TMEM167A: variants seen among roughly 807,000 people sequenced by gnomAD.
TMEM167A encodes the protein protein kish-A.
Under a neutral mutation model 11.6 loss-of-function variants are expected in TMEM167A, and 8 were observed. That is an observed-to-expected ratio of 0.69 (90% confidence interval 0.40 to 1.24). TMEM167A has a LOEUF of 1.24. Ranked by LOEUF, TMEM167A falls within the 50% of genes most tolerant of loss-of-function variation. The pLI is 0.01. For missense variants in TMEM167A, 62 were observed against 87.0 expected, an observed-to-expected ratio of 0.71 and a Z score of 1.14; for synonymous variants, 22 against 28.0, an observed-to-expected ratio of 0.79 and a Z score of 0.67.
rs892802813 is a variant in TMEM167A, at chr5:83,052,909, G to A, written c.*4175C>T. ...ATATGAACTAATCAGAGATGTGCAT[G>A]ATTCTCTGTACTCTTAAAATCACAG... On this transcript the variant is annotated 3_prime_UTR_variant, in exon 4 of 4. Coordinates refer to ENST00000502346, the MANE Select transcript of TMEM167A (RefSeq NM_174909.5). 2 of 151,830 alleles carry A rather than the reference G, an allele frequency of 1.3e-5. No individual in the cohort carries two copies. The highest frequency in any genetic ancestry group is 4.8e-5 in the African/African-American group (2 of 41,348). The allele number at this position is 151,830 out of a possible 1,614,324, so 9.4% of individuals were successfully genotyped here.
intron 1 of TMEM167A, among the ~76,000 whole-genome samples, chr5:83,067,751 G>C (rs902704501): frequency 6.6e-6 from 1 of 151,864 alleles, no homozygotes; most frequent in Non-Finnish European, 1.5e-5. Flanking sequence ...GATCTCAAGC[G>C]ATCTGCCCAC....
In TMEM167A at chr5:83,056,278, T is replaced by C. The variant is rs1437939668; in HGVS notation, c.*806A>G. The C allele has an allele frequency of 6.6e-6, 1 of 151,972 alleles. No individual in the cohort carries two copies. The highest frequency in any genetic ancestry group is 1.5e-5 in the Non-Finnish European group (1 of 67,922). 9.4% of individuals were successfully genotyped at this position (151,972 alleles called of 1,614,324 possible). On this transcript the variant is annotated 3_prime_UTR_variant, in exon 4 of 4. Transcript: ENST00000502346. ...TGTTTCATTTTTGAAGCCATGACAC[T>C]AAAAAGAATGAAAAACACATATAGG... is the stretch of plus-strand genomic sequence containing the variant.
At chr5:83,076,373 G>A (rs1744661739) in intron 1 of TMEM167A, among the ~76,000 whole-genome samples, 1 of 152,166 alleles carries the variant, frequency 6.6e-6, no homozygotes, top group African/African-American at 2.4e-5. Flanking sequence ...CTTATTTTTA[G>A]CTAGTCTGAC....
At chr5:83,061,693 C>T (rs183280486) in intron 3 of TMEM167A, among the ~76,000 whole-genome samples, 184 bp downstream of exon 3, 51 of 152,282 alleles carry the variant, frequency 3.3e-4, no homozygotes, top group Non-Finnish European at 6.2e-4. Flanking sequence ...CCACGCCTGG[C>T]CCAAATGTGG....
intron 1 of TMEM167A, among the ~76,000 whole-genome samples, chr5:83,068,681 G>A (rs6452501): frequency 0.49 from 73,909 of 151,902 alleles, 18,634 homozygotes; most frequent in African/African-American, 0.59. Flanking sequence ...AAAAGTCATT[G>A]GCACGTTCAG....
In TMEM167A at chr5:83,053,037, A is replaced by G. The variant is rs1744280943; in HGVS notation, c.*4047T>C. On this transcript the variant is annotated 3_prime_UTR_variant, in exon 4 of 4. Transcript: ENST00000502346. Reference sequence around the variant, plus strand: ...GTAAAAGTCATGGAAGGCAGTGTATAAATAACATTAATTATGAAGCTACTT... The same window carrying G: ...GTAAAAGTCATGGAAGGCAGTGTATGAATAACATTAATTATGAAGCTACTT... 6.6e-6 allele frequency: 1 copy of G among 151,940 alleles called. No homozygotes were observed. The highest frequency in any genetic ancestry group is 1.5e-5 in the Non-Finnish European group (1 of 67,898). 9.4% of individuals were successfully genotyped at this position (151,940 alleles called of 1,614,324 possible). A position where few individuals can be genotyped will look rare whatever the true frequency, so the allele number is the denominator to read the frequency against.
At chr5:83,074,774 CT>C (rs58381163) in intron 1 of TMEM167A, among the ~76,000 whole-genome samples, 53,350 of 147,260 alleles carry the variant, frequency 0.36, 9,705 homozygotes, top group Non-Finnish European at 0.42. Flanking sequence ...TCCCCAGACT[CT>C]TTTTTTTTTT....
intron 1 of TMEM167A, among the ~76,000 whole-genome samples, chr5:83,069,624 T>G (rs1744532548): frequency 6.6e-6 from 1 of 152,088 alleles, no homozygotes; most frequent in Admixed American, 6.6e-5. Context: ...GTCTTTCCTG[T>G]TCCCACTCAC....
rs1744704649 is a variant in TMEM167A at position 83,077,370 on chromosome 5, G to C, written c.-47C>G. On this transcript the variant is annotated 5_prime_UTR_variant, in exon 1 of 4. Coordinates refer to ENST00000502346, the MANE Select transcript of TMEM167A (RefSeq NM_174909.5). ...GCCACATCACCCTTCCGGGGCTCAGGCGGAAGAGGCTGCATGTCCCGTCTG... is the reference window on the plus strand; with the variant it reads ...GCCACATCACCCTTCCGGGGCTCAGCCGGAAGAGGCTGCATGTCCCGTCTG... The C allele has an allele frequency of 1.2e-6, 2 of 1,614,116 alleles. No homozygotes were observed. Among genetic ancestry groups the C allele is most frequent in the Non-Finnish European group, 8.5e-7 (1 of 1,179,960 alleles).
chr5:83,061,220 G>A (rs564542907), intron 3 of TMEM167A, among the ~76,000 whole-genome samples: 2 of 152,124 alleles, frequency 1.3e-5, no homozygotes, highest in Non-Finnish European at 2.9e-5. Context: ...CATTAGATGG[G>A]AATACATCCT....
intron 2 of TMEM167A, among the ~76,000 whole-genome samples, chr5:83,064,592 T>C (rs539504648): frequency 1.3e-5 from 2 of 152,228 alleles, no homozygotes; most frequent in South Asian, 2.1e-4. Flanking sequence ...AAAGACTTCA[T>C]GCACAGCCAA....
chr5:83,054,941 T>A lies in TMEM167A; in HGVS notation c.*2143A>T, dbSNP rs927594732. The A allele has an allele frequency of 7.2e-5, 11 of 152,042 alleles. No homozygotes were observed. Among genetic ancestry groups the A allele is most frequent in the African/African-American group, 2.7e-4 (11 of 41,440 alleles). The allele number at this position is 152,042 out of a possible 1,614,324, so 9.4% of individuals were successfully genotyped here. On this transcript the variant is annotated 3_prime_UTR_variant, in exon 4 of 4. Coordinates refer to ENST00000502346, the MANE Select transcript of TMEM167A (RefSeq NM_174909.5). ...CCACAAGAGAAATATCTCAATATTCTGTGGGCTTAAAACCACCTACACTGC... is the reference window on the plus strand; with the variant it reads ...CCACAAGAGAAATATCTCAATATTCAGTGGGCTTAAAACCACCTACACTGC...
In TMEM167A at chr5:83,066,765, G is replaced by C. The variant is rs920048539; in HGVS notation, c.4-1648C>G. 2.0e-5 allele frequency among the ~76,000 whole-genome samples: 3 copies of C among 152,214 alleles called. No homozygotes were observed. In the South Asian group the frequency reaches 6.2e-4, roughly 32 times the overall value. ...AGGTGTTTGGGTTTGGGGACGGGGT[G>C]GTGGGGGGTAGATCTCCCATGAATG... On this transcript the variant is annotated intron_variant, in intron 1 of 3. Coordinates refer to ENST00000502346, the MANE Select transcript of TMEM167A (RefSeq NM_174909.5).
chr5:83,075,587 A>G (rs941433816), intron 1 of TMEM167A, among the ~76,000 whole-genome samples: 3 of 152,050 alleles, frequency 2.0e-5, no homozygotes, highest in African/African-American at 7.2e-5. Context: ...TCTACTAAAA[A>G]TACAAAAATT....
At position 83,061,898 on chromosome 5, in the gene TMEM167A, A is replaced by G; in HGVS notation, c.127T>C (p.Phe43Leu). 6.2e-7 allele frequency: 1 copy of G among 1,613,174 alleles called. No homozygotes were observed. Among genetic ancestry groups the G allele is most frequent in the East Asian group, 2.2e-5 (1 of 44,834 alleles). Residue 43 changes from phenylalanine (F) to leucine (L), a missense_variant, in exon 3 of 4, where the codon TTT (phenylalanine) becomes CTT (leucine). Physicochemically the swap from Phe to Leu is conservative, Grantham distance 22. Coordinates refer to ENST00000502346, the MANE Select transcript of TMEM167A (RefSeq NM_174909.5). ...TTACCAATTCTGGCACACTTCCAAA[A>G]TATACCCAACAATCTGCATAGAATA... is the stretch of plus-strand genomic sequence containing the variant. ...DRNKTGLLGI[F>L]WKCARIGERK...
Position 83,057,710 on chromosome 5 carries a change from C to T in TMEM167A, c.149-556G>A, listed in dbSNP as rs564049875. 1.4e-4 allele frequency among the ~76,000 whole-genome samples: 21 copies of T among 152,108 alleles called. 1 individual carries two copies. The South Asian group carries it at 3.9e-3, about 29-fold the overall frequency. ...TGCTTAATTAAAAAAATTAGAAAAA[C>T]TATTTCTGAGATAGTATGCTTACTC... On this transcript the variant is annotated intron_variant, in intron 3 of 3. Coordinates refer to ENST00000502346, the MANE Select transcript of TMEM167A (RefSeq NM_174909.5).
At chr5:83,062,097 A>G (rs1744415661) in intron 2 of TMEM167A, 186 bp from the exon 3 acceptor site, 1 of 523,900 alleles carries the variant, frequency 1.9e-6, no homozygotes, top group African/African-American at 1.9e-5. Context: ...ACACAATGAC[A>G]TATCAACCAT....
At chr5:83,060,581 C>T (rs950512333) in intron 3 of TMEM167A, among the ~76,000 whole-genome samples, 1 of 151,500 alleles carries the variant, frequency 6.6e-6, no homozygotes, top group Non-Finnish European at 1.5e-5. Context: ...CCTGTAATCC[C>T]AGCACTTTGG....
chr5:83,070,524 A>G lies in TMEM167A; in HGVS notation c.4-5407T>C, dbSNP rs370745720. Among the ~76,000 whole-genome samples the G allele has an allele frequency of 5.9e-5, 9 of 152,296 alleles. No homozygotes were observed. In the South Asian group the frequency reaches 1.9e-3, roughly 32 times the overall value. On this transcript the variant is annotated intron_variant, in intron 1 of 3. Transcript: ENST00000502346. The stretch of plus-strand genomic sequence containing the variant: ...TTATTTGATCATTTTGAAGTAAATC[A>G]CATTTGGTTAGGTGTTTTGAAATAA...
Sources: gnomAD v4.1 joint callset for allele counts (sites outside exome capture counted in the v4.1 genomes callset) on GRCh38, gnomAD v4.1.1 for gene constraint, MANE v1.5 for transcripts, NCBI Gene and HGNC (gene_info 2026-07-23, HGNC 2026-07-21) for gene names.